ZNF469: variants seen among roughly 807,000 people sequenced by gnomAD.
ZNF469 encodes the protein zinc finger protein 469.
Under a neutral mutation model 1.0 loss-of-function variants are expected in ZNF469, and 1 was observed. The ratio of observed to expected loss-of-function variants is 1.00; its 90% confidence interval spans 0.35 to 4.73. ZNF469 has a LOEUF of 4.73. Among genes scored for constraint, ZNF469 ranks in the 30% most tolerant of loss-of-function variants. The pLI is 0.16. For synonymous variants in ZNF469, 2,703 were observed against 2,363.4 expected (o/e 1.14, Z -4.17); for missense variants, 6,100 against 5,356.3 (o/e 1.14, Z -4.33).
At chr16:88,144,116 G>T in the ZNF469 span, among the ~76,000 whole-genome samples, 2 of 152,230 alleles carry the variant, frequency 1.3e-5, no homozygotes, top group Admixed American at 1.3e-4. Flanking sequence ...GAAGAGGTAC[G>T]CCCGGGGCCG....
rs574999862 is a variant in ZNF469, at chr16:88,424,203, G to A, written c.-191-604G>A. Among the ~76,000 whole-genome samples the A allele has an allele frequency of 2.6e-5, 4 of 152,374 alleles. No homozygotes were observed. Among genetic ancestry groups the A allele is most frequent in the South Asian group, 2.1e-4 (1 of 4,826 alleles). The stretch of plus-strand genomic sequence containing the variant: ...TGCTCTGCAGCCTGGATGCGAGGAC[G>A]AGTGGACAGAGAGTGAGAAACCTCT... On this transcript the variant is annotated intron_variant, in intron 1 of 2. Coordinates refer to ENST00000565624, the MANE Select transcript of ZNF469 (RefSeq NM_001367624.2). The surrounding 1 kb of genome is among the most constrained non-coding windows in gnomAD (Gnocchi z 4.3).
At chr16:88,139,125 C>T in the ZNF469 span, among the ~76,000 whole-genome samples, 84,477 of 151,906 alleles carry the variant, frequency 0.56, 28,028 homozygotes, top group Non-Finnish European at 0.76. Context: ...GAGGGTGTTT[C>T]GGAGATCCTG....
the ZNF469 span, among the ~76,000 whole-genome samples, chr16:88,193,069 G>C: frequency 7.7e-6 from 1 of 129,368 alleles, no homozygotes; most frequent in African/African-American, 3.0e-5. Context: ...GGTGGTGATG[G>C]TGGTGGTGGT....
chr16:88,381,006 ACACATGCGCT>A (rs2092521866), upstream of ZNF469, among the ~76,000 whole-genome samples: 1 of 146,944 alleles, frequency 6.8e-6, no homozygotes, highest in South Asian at 2.3e-4. Context: ...ATGCACTCAC[ACACATGCGCT>A]CACAGACATG....
the ZNF469 span, among the ~76,000 whole-genome samples, chr16:88,208,920 G>A: frequency 6.6e-6 from 1 of 151,164 alleles, no homozygotes; most frequent in East Asian, 2.0e-4. Flanking sequence ...GGCCAGGTCT[G>A]CCCTCTACCA....
At chr16:88,220,425 G>A in the ZNF469 span, among the ~76,000 whole-genome samples, 1 of 152,218 alleles carries the variant, frequency 6.6e-6, no homozygotes, top group South Asian at 2.1e-4. Context: ...CCCACCGTAT[G>A]AGAGCAGTGC....
At chr16:88,262,157 G>A in the ZNF469 span, among the ~76,000 whole-genome samples, 1 of 152,214 alleles carries the variant, frequency 6.6e-6, no homozygotes, top group African/African-American at 2.4e-5. The surrounding 1 kb of genome is among the most constrained non-coding windows in gnomAD (Gnocchi z 4.3). Context: ...CAGCATTAGT[G>A]AAGGAATTGC....
At chr16:88,401,950 GGGAA>G (rs1567501833) in intron 1 of ZNF469, among the ~76,000 whole-genome samples, 1,440 of 27,664 alleles carry the variant, frequency 0.052, 2 homozygotes, top group African/African-American at 0.099. Context: ...GTGGGTGGAT[GGGAA>G]GATGGATGGG....
chr16:88,381,418 A>ACT (rs199793714), upstream of ZNF469, among the ~76,000 whole-genome samples: 9 of 150,216 alleles, frequency 6.0e-5, no homozygotes, highest in East Asian at 2.0e-4. Flanking sequence ...ACAGACATGC[A>ACT]CTCTCTCACA....
chr16:88,257,054 T>C, the ZNF469 span, among the ~76,000 whole-genome samples: 1 of 150,262 alleles, frequency 6.7e-6, no homozygotes, highest in Non-Finnish European at 1.5e-5. Flanking sequence ...GTTCAAGTGA[T>C]TCTCCTGCCT....
At chr16:88,193,003 ATGGTGGTGATGGTGGTGGTGGTGATGG>A in the ZNF469 span, among the ~76,000 whole-genome samples, 1 of 106,448 alleles carries the variant, frequency 9.4e-6, no homozygotes, top group African/African-American at 4.0e-5. Flanking sequence ...GGTGGTGGTG[ATGGTGGTGATGGTGGTGGTGGTGATGG>A]TGGTGATGGT....
At chr16:88,296,596 GCA>G in the ZNF469 span, among the ~76,000 whole-genome samples, 1 of 151,576 alleles carries the variant, frequency 6.6e-6, no homozygotes, top group East Asian at 1.9e-4. Context: ...GCACACACAT[GCA>G]CACTCACAGA....
chr16:88,146,619 T>C, the ZNF469 span, among the ~76,000 whole-genome samples: 1 of 152,026 alleles, frequency 6.6e-6, no homozygotes, highest in African/African-American at 2.4e-5. Flanking sequence ...TCTCCCACCG[T>C]CTCCAGTCTC....
chr16:88,327,560 G>T, the ZNF469 span, among the ~76,000 whole-genome samples: 22 of 152,222 alleles, frequency 1.4e-4, no homozygotes, highest in East Asian at 5.8e-4. Flanking sequence ...GGTTGGGGGG[G>T]GGTCTGTGCT....
At chr16:88,359,168 C>T in the ZNF469 span, among the ~76,000 whole-genome samples, 1 of 152,002 alleles carries the variant, frequency 6.6e-6, no homozygotes, top group Non-Finnish European at 1.5e-5. Flanking sequence ...ATCCTGCCTG[C>T]ATTTGCTATT....
the ZNF469 span, among the ~76,000 whole-genome samples, chr16:88,353,149 C>T: frequency 6.6e-6 from 1 of 152,180 alleles, no homozygotes; most frequent in African/African-American, 2.4e-5. Context: ...TGCTGGTCGC[C>T]TAACAGTCCT....
the ZNF469 span, among the ~76,000 whole-genome samples, chr16:88,267,859 G>A: frequency 3.3e-5 from 5 of 152,150 alleles, no homozygotes; most frequent in Admixed American, 3.3e-4. Flanking sequence ...AGATTCCTTG[G>A]GGTGGCACTG....
At chr16:88,249,413 CTTTCTT>C in the ZNF469 span, among the ~76,000 whole-genome samples, 2,534 of 99,338 alleles carry the variant, frequency 0.026, 100 homozygotes, top group Middle Eastern at 0.05. Context: ...TTTTCTTTTT[CTTTCTT>C]TTTCTTTTTC....
At position 88,435,240 on chromosome 16, in the gene ZNF469, C is replaced by T. The variant is rs1159719798; in HGVS notation, c.7770C>T (p.Ser2590=). 4 of 1,550,276 alleles carry T rather than the reference C, an allele frequency of 2.6e-6. No homozygotes were observed. The highest frequency in any genetic ancestry group is 1.4e-5 in the African/African-American group (1 of 73,048). Residue 2590 remains serine, a synonymous_variant, in exon 3 of 3, where the codon TCC becomes TCT. Transcript: ENST00000565624. ...EHEVDVKTPA[S]KPRPDQARED... is the part of the protein sequence containing the mutation. ...AGGTAGATGTGAAGACTCCGGCCTC[C>T]AAGCCCAGACCAGACCAGGCCAGGG...
Sources: allele counts gnomAD v4.1 joint callset (sites outside exome capture counted in the v4.1 genomes callset), GRCh38; gene constraint gnomAD v4.1.1; non-coding constraint Gnocchi (gnomAD v3.1); transcripts MANE v1.5; gene names NCBI Gene and HGNC (gene_info 2026-07-23, HGNC 2026-07-21).